The following GALNT2 variants were observed in gnomAD, a reference collection of about 807,000 sequenced individuals.
The protein encoded by GALNT2 is UDP-GalNAc:polypeptide N-acetylgalactosaminyltransferase 2.
In GALNT2, 31 loss-of-function variants were observed where a neutral mutation model predicts 81.4. The observed-to-expected ratio is 0.38, with a 90% CI of 0.29 to 0.51. The LOEUF (loss-of-function observed/expected upper bound fraction) is 0.51. GALNT2 is among the 20% of genes least tolerant of loss of function. GALNT2 has a pLI of 0.87. For synonymous variants in GALNT2, 303 were observed against 287.4 expected (o/e 1.05, Z -0.55); for missense variants, 629 against 765.7 (o/e 0.82, Z 2.11).
chr1:230,218,798 T>C (rs1369396519), intron 3 of GALNT2, among the ~76,000 whole-genome samples: 1 of 151,926 alleles, frequency 6.6e-6, no homozygotes, highest in Non-Finnish European at 1.5e-5. Flanking sequence ...AAAGCAGGAG[T>C]CCCCAACCCC....
chr1:230,057,975 A>G (rs1658953899), upstream of GALNT2: 5 of 454,412 alleles, frequency 1.1e-5, no homozygotes, highest in Admixed American at 4.7e-5. Flanking sequence ...AAGGGAGGAA[A>G]GGGCTCTGAT....
At chr1:230,201,778 A>G (rs1663900411) in intron 2 of GALNT2, among the ~76,000 whole-genome samples, 1 of 152,182 alleles carries the variant, frequency 6.6e-6, no homozygotes, top group Non-Finnish European at 1.5e-5. Flanking sequence ...TCATGTCGAC[A>G]CTAGGACCTT....
chr1:230,206,122 T>G (rs1332646281), intron 3 of GALNT2, among the ~76,000 whole-genome samples: 1 of 152,140 alleles, frequency 6.6e-6, no homozygotes, highest in Non-Finnish European at 1.5e-5. Context: ...TAAGAGCTAG[T>G]TTTCCCACAA....
intron 1 of GALNT2, among the ~76,000 whole-genome samples, chr1:230,076,285 C>T (rs1571931927): frequency 6.6e-6 from 1 of 152,166 alleles, no homozygotes; most frequent in Non-Finnish European, 1.5e-5. Flanking sequence ...CACCAAGCAT[C>T]GGGTAAGTCA....
chr1:230,088,975 A>T (rs979636879), intron 1 of GALNT2, among the ~76,000 whole-genome samples: 24 of 152,160 alleles, frequency 1.6e-4, no homozygotes, highest in Admixed American at 9.8e-4. Context: ...TCCATTCTAG[A>T]TATTTCGTAT....
intron 1 of GALNT2, among the ~76,000 whole-genome samples, chr1:230,104,055 C>CAGTCATGTGCTTCTG (rs1311316427): frequency 2.6e-5 from 4 of 152,188 alleles, no homozygotes; most frequent in Non-Finnish European, 5.9e-5. Context: ...GAGTGCGAGG[C>CAGTCATGTGCTTCTG]AGTCATGTGC....
intron 2 of GALNT2, among the ~76,000 whole-genome samples, chr1:230,187,489 C>T (rs574513750): frequency 5.4e-5 from 8 of 147,236 alleles, no homozygotes; most frequent in South Asian, 2.4e-4. Context: ...TGCAGCCCCC[C>T]GGCAGCATCT....
At chr1:230,163,578 G>T (rs967461490) in intron 1 of GALNT2, among the ~76,000 whole-genome samples, 3 of 152,202 alleles carry the variant, frequency 2.0e-5, no homozygotes, top group African/African-American at 7.2e-5. Flanking sequence ...CATCACAGTG[G>T]ATAGAAAACA....
At chr1:230,080,922 C>T (rs1311563889) in intron 1 of GALNT2, among the ~76,000 whole-genome samples, 16 of 152,092 alleles carry the variant, frequency 1.1e-4, no homozygotes, top group African/African-American at 7.2e-5. Flanking sequence ...ACTTTGAAGG[C>T]GGGGAGGTGT....
intron 1 of GALNT2, among the ~76,000 whole-genome samples, chr1:230,155,495 A>G (rs1662223017): frequency 6.6e-6 from 1 of 152,218 alleles, no homozygotes; most frequent in South Asian, 2.1e-4. Flanking sequence ...GAGAGGGTCA[A>G]GATAAAGAAA....
chr1:230,121,409 CCT>C (rs1046120270), intron 1 of GALNT2, among the ~76,000 whole-genome samples: 28 of 152,324 alleles, frequency 1.8e-4, no homozygotes, highest in Admixed American at 1.0e-3. Context: ...CCTGCCCTCC[CCT>C]GTTTGCCTTC....
upstream of GALNT2, among the ~76,000 whole-genome samples, chr1:230,064,662 A>G (rs1659127535): frequency 6.6e-6 from 1 of 152,116 alleles, no homozygotes; most frequent in Non-Finnish European, 1.5e-5. Flanking sequence ...CTGCGATTAC[A>G]GGCACCTGCC....
chr1:230,236,428 C>A lies in GALNT2; in HGVS notation c.541+8C>A. ...ATGACTACAGCAATGATCGTGAGTA[C>A]TGACACTGATTTTATCCCTGTGTCT... is the stretch of plus-strand genomic sequence containing the variant. On this transcript the variant is annotated splice_region_variant and intron_variant, in intron 5 of 15. Transcript: ENST00000366672. The A allele has an allele frequency of 6.2e-7, 1 of 1,613,336 alleles. No individual in the cohort carries two copies. The highest frequency in any genetic ancestry group is 8.5e-7 in the Non-Finnish European group (1 of 1,179,272).
At chr1:230,101,949 G>A (rs1370373496) in intron 1 of GALNT2, among the ~76,000 whole-genome samples, 1 of 152,204 alleles carries the variant, frequency 6.6e-6, no homozygotes, top group African/African-American at 2.4e-5. Context: ...ACAAAAAGTA[G>A]TTGGACTGAA....
intron 11 of GALNT2, 78 bp from the exon 12 acceptor site, chr1:230,262,495 C>A: frequency 7.8e-7 from 1 of 1,277,502 alleles, no homozygotes; most frequent in South Asian, 1.3e-5. Context: ...CTCAGTCACA[C>A]GCCAGCAGAC....
chr1:230,178,957 C>T (rs565999284), intron 2 of GALNT2, among the ~76,000 whole-genome samples: 3 of 152,184 alleles, frequency 2.0e-5, no homozygotes, highest in South Asian at 2.1e-4. Context: ...TGGCAACCAG[C>T]GATCCTTTTG....
intron 3 of GALNT2, among the ~76,000 whole-genome samples, chr1:230,230,884 A>G (rs865822748): frequency 6.6e-6 from 1 of 152,250 alleles, no homozygotes; most frequent in Non-Finnish European, 1.5e-5. Flanking sequence ...CTTCGTGGCT[A>G]TCTCATAAGA....
chr1:230,170,355 G>A (rs374937757), intron 1 of GALNT2, among the ~76,000 whole-genome samples: 5 of 152,142 alleles, frequency 3.3e-5, no homozygotes, highest in African/African-American at 4.8e-5. Context: ...GGTATATTAC[G>A]TTCCCTTTCT....
intron 1 of GALNT2, among the ~76,000 whole-genome samples, chr1:230,146,500 T>C (rs1225382745): frequency 1.3e-5 from 2 of 152,184 alleles, no homozygotes; most frequent in Non-Finnish European, 2.9e-5. Flanking sequence ...GTGAAGCAGG[T>C]GTGGGCTCAG....
Sources: gnomAD v4.1 joint callset for allele counts (sites outside exome capture counted in the v4.1 genomes callset) on GRCh38, gnomAD v4.1.1 for gene constraint, MANE v1.5 for transcripts, NCBI Gene and HGNC (gene_info 2026-07-23, HGNC 2026-07-21) for gene names.